ACACA: variants seen among roughly 807,000 people sequenced by gnomAD.
ACACA encodes acetyl-CoA carboxylase 1.
ACACA carries 103 observed loss-of-function variants against 296.1 expected under a neutral mutation model. The observed-to-expected ratio is 0.35, with a 90% CI of 0.30 to 0.41. The LOEUF (loss-of-function observed/expected upper bound fraction) is 0.41. ACACA is among the 10% of genes least tolerant of loss of function. The pLI, the probability that ACACA is intolerant of heterozygous loss-of-function variation, is 1.00. For missense variants in ACACA, 1,554 were observed against 2,989.7 expected, an observed-to-expected ratio of 0.52 and a Z score of 11.20; for synonymous variants, 953 against 1,038.6, an observed-to-expected ratio of 0.92 and a Z score of 1.58.
intron 19 of ACACA, 71 bp from the exon 20 acceptor site, chr17:37,245,285 T>A (rs2080638566): frequency 6.4e-7 from 1 of 1,554,818 alleles, no homozygotes. Flanking sequence ...AGAACTAAAA[T>A]TTTTCCCTTA....
chr17:37,178,167 T>G (rs1309219858), intron 41 of ACACA, among the ~76,000 whole-genome samples: 1 of 152,186 alleles, frequency 6.6e-6, no homozygotes, highest in African/African-American at 2.4e-5. Context: ...AACTGTACAT[T>G]AGGAGCACAG....
chr17:37,129,601 T>C (rs116579840), intron 46 of ACACA, 116 bp from the exon 47 acceptor site: 25 of 1,356,030 alleles, frequency 1.8e-5, no homozygotes, highest in Middle Eastern at 2.4e-4. Context: ...TTGCACCCAA[T>C]AGTCCCAATC....
chr17:37,301,386 A>G (rs1387188628), intron 3 of ACACA: 1 of 985,310 alleles, frequency 1.0e-6, no homozygotes, highest in East Asian at 1.1e-4. Flanking sequence ...CATACCTGGC[A>G]CAAAATCCAA....
chr17:37,218,591 C>A (rs967823702), intron 29 of ACACA, among the ~76,000 whole-genome samples: 1 of 152,204 alleles, frequency 6.6e-6, no homozygotes, highest in Middle Eastern at 3.4e-3. Flanking sequence ...GGACTCTAAT[C>A]CAAAATGAAT....
chr17:37,275,281 A>G (rs1366708091), intron 8 of ACACA, among the ~76,000 whole-genome samples: 1 of 152,118 alleles, frequency 6.6e-6, no homozygotes, highest in African/African-American at 2.4e-5. Flanking sequence ...GTAGATCACA[A>G]GGTCAGGAGT....
At chr17:37,343,719 G>T (rs1463633730) in intron 1 of ACACA, among the ~76,000 whole-genome samples, 1 of 146,238 alleles carries the variant, frequency 6.8e-6, no homozygotes, top group Non-Finnish European at 1.5e-5. Flanking sequence ...AGCCAAGATT[G>T]TACCATTGTA....
rs1171363653 is a variant in ACACA at position 37,248,088 on chromosome 17, A to G, written c.2232T>C (p.His744=). The change falls in exon 18 of 56, where the codon CAT becomes CAC. Residue 744 remains histidine (H), a synonymous_variant. Coordinates refer to ENST00000616317, the MANE Select transcript of ACACA (RefSeq NM_198834.3). ...AGAGCAGTCCACCGTCACTCAGCCG[A>G]TGTACATCTACTTCTACACATGAGC... ...MNGSCVEVDV[H]RLSDGGLLLS... 14 of 1,614,124 alleles carry G rather than the reference A, an allele frequency of 8.7e-6. No homozygotes were observed. The highest frequency in any genetic ancestry group is 1.2e-5 in the Non-Finnish European group (14 of 1,180,026).
intron 20 of ACACA, 122 bp downstream of exon 20, chr17:37,244,958 G>A: frequency 6.8e-7 from 1 of 1,469,832 alleles, no homozygotes; most frequent in Non-Finnish European, 9.5e-7. Context: ...CAAGGCATAA[G>A]ATTAATAGGG....
At chr17:37,207,587 G>A in intron 31 of ACACA, 70 bp downstream of exon 31, 1 of 1,585,510 alleles carries the variant, frequency 6.3e-7, no homozygotes, top group Non-Finnish European at 8.6e-7. Context: ...TCATTTTGCA[G>A]AAAGATGAGA....
intron 1 of ACACA, among the ~76,000 whole-genome samples, chr17:37,374,289 C>CTTT (rs754001129): frequency 7.1e-6 from 1 of 140,098 alleles, no homozygotes; most frequent in Non-Finnish European, 1.6e-5. Flanking sequence ...TTTTTCTTTT[C>CTTT]TTTTTTTTTT....
intron 45 of ACACA, among the ~76,000 whole-genome samples, chr17:37,135,282 A>G (rs970210447): frequency 1.3e-5 from 2 of 152,232 alleles, no homozygotes; most frequent in African/African-American, 4.8e-5. Flanking sequence ...GGGTTCCAAA[A>G]TACAGTTTCT....
At chr17:37,143,769 G>T in intron 45 of ACACA, 1 of 982,688 alleles carries the variant, frequency 1.0e-6, no homozygotes. Context: ...TTTCGGCCTT[G>T]GCAACTCCCT....
chr17:37,130,411 G>A (rs1298523321), intron 45 of ACACA, among the ~76,000 whole-genome samples, 193 bp from the exon 46 acceptor site: 1 of 152,076 alleles, frequency 6.6e-6, no homozygotes, highest in Non-Finnish European at 1.5e-5. Flanking sequence ...ATATGAGATT[G>A]ACGCGCTGCC....
chr17:37,183,883 A>C (rs1249288675), intron 39 of ACACA, among the ~76,000 whole-genome samples: 2 of 116,220 alleles, frequency 1.7e-5, no homozygotes. Context: ...ACGGAGTTTC[A>C]CTCTTGTTGC....
intron 42 of ACACA, 42 bp from the exon 43 acceptor site, chr17:37,155,822 T>C (rs1388529535): frequency 6.2e-6 from 8 of 1,297,820 alleles, no homozygotes; most frequent in African/African-American, 1.4e-5. Flanking sequence ...TTTGCCATTG[T>C]CATATAATCA....
rs968090262 is a variant in ACACA, at chr17:37,349,127, C to T, written c.39-9277G>A. ...CCAGATGTGAGTGCAGTGGCGTGATCGCCGCTCACTGCAACCTCCACCTCC... is the reference window on the plus strand; with the variant it reads ...CCAGATGTGAGTGCAGTGGCGTGATTGCCGCTCACTGCAACCTCCACCTCC... On this transcript the variant is annotated intron_variant, in intron 1 of 55. Transcript: ENST00000616317. Among the ~76,000 whole-genome samples the T allele has an allele frequency of 6.0e-5, 9 of 150,482 alleles. No homozygotes were observed. The South Asian group carries it at 6.2e-4, about 10-fold the overall frequency.
intron 16 of ACACA, among the ~76,000 whole-genome samples, chr17:37,250,869 C>CA (rs1219320151): frequency 6.7e-6 from 1 of 149,240 alleles, no homozygotes; most frequent in East Asian, 2.0e-4. Flanking sequence ...AATAAAAATA[C>CA]AAAAAAAATT....
chr17:37,330,433 G>GA lies in ACACA; in HGVS notation c.86-9dup. The GA allele has an allele frequency of 1.1e-5, 18 of 1,614,102 alleles. No individual in the cohort carries two copies. Among genetic ancestry groups the GA allele is most frequent in the Non-Finnish European group, 1.5e-5 (18 of 1,180,028 alleles). On this transcript the variant is annotated splice_polypyrimidine_tract_variant and intron_variant, in intron 2 of 55. Coordinates refer to ENST00000616317, the MANE Select transcript of ACACA (RefSeq NM_198834.3). Reference sequence around the variant, plus strand: ...CAAAATGAGCTCTTACAGCTATGGAGAAAATGAAAAGTGAGAAAGGCAGGT... The same window carrying GA: ...CAAAATGAGCTCTTACAGCTATGGAGAAAAATGAAAAGTGAGAAAGGCAGGT...
intron 3 of ACACA, among the ~76,000 whole-genome samples, chr17:37,310,811 A>AAAAAAAAAG (rs1555639630): frequency 6.7e-6 from 1 of 149,376 alleles, no homozygotes; most frequent in African/African-American, 2.4e-5. Context: ...AAAAAAAAAA[A>AAAAAAAAAG]AAAGAAAGAA....
Sources: gnomAD v4.1 joint callset for allele counts (sites outside exome capture counted in the v4.1 genomes callset) on GRCh38, gnomAD v4.1.1 for gene constraint, MANE v1.5 for transcripts, NCBI Gene and HGNC (gene_info 2026-07-23, HGNC 2026-07-21) for gene names.